TG: variants seen among roughly 807,000 people sequenced by gnomAD.
TG encodes thyroglobulin.
Under a neutral mutation model 324.7 loss-of-function variants are expected in TG, and 270 were observed. The ratio of observed to expected loss-of-function variants is 0.83; its 90% confidence interval spans 0.75 to 0.92. The LOEUF is 0.92. TG is among the 40% of genes least tolerant of loss of function. TG has a pLI of 0.00. For synonymous variants in TG, 1,401 were observed against 1,327.0 expected (o/e 1.06, Z -1.21); for missense variants, 3,591 against 3,456.4 (o/e 1.04, Z -0.98).
rs853304 is a variant in TG, at chr8:132,919,503, T to C, written c.4506T>C (p.Ala1502=). 0.6 allele frequency: 969,735 copies of C among 1,613,638 alleles called. 296,104 individuals carry two copies. Among genetic ancestry groups the C allele is most frequent in the Admixed American group, 0.66 (39,621 of 60,006 alleles). Reference sequence around the variant, plus strand: ...CTGTGGGCAGAACGACCATTTCTGCTGGAGCTTTCAGCCAGACTCACTGTA... The same window carrying C: ...CTGTGGGCAGAACGACCATTTCTGCCGGAGCTTTCAGCCAGACTCACTGTA... The part of the protein sequence containing the change: ...PCPVGRTTIS[A]GAFSQTHCVT... Residue 1502 remains alanine (A), a synonymous_variant, in exon 21 of 48, where the codon GCT becomes GCC. Transcript: ENST00000220616.
chr8:132,961,192 C>T, intron 28 of TG, 119 bp downstream of exon 28: 1 of 1,004,658 alleles, frequency 1.0e-6, no homozygotes, highest in Non-Finnish European at 1.6e-6. Context: ...GAGTCACTTT[C>T]CAAATGCATA....
chr8:133,024,525 C>A (rs868324702), intron 40 of TG, among the ~76,000 whole-genome samples: 15 of 151,960 alleles, frequency 9.9e-5, no homozygotes, highest in African/African-American at 2.9e-4. Flanking sequence ...GCCCCACATG[C>A]ATTAGGTATT....
At chr8:132,943,223 G>A (rs1253952750) in intron 26 of TG, among the ~76,000 whole-genome samples, 1 of 152,046 alleles carries the variant, frequency 6.6e-6, no homozygotes, top group Admixed American at 6.5e-5. Context: ...TGGGTAACAG[G>A]GGTGAATGGC....
chr8:133,112,345 A>C (rs1850323681), intron 43 of TG, among the ~76,000 whole-genome samples: 1 of 152,256 alleles, frequency 6.6e-6, no homozygotes, highest in African/African-American at 2.4e-5. Flanking sequence ...AACACATAGC[A>C]CAGGACTGTG....
chr8:132,893,221 T>G (rs1004875768), intron 10 of TG, among the ~76,000 whole-genome samples: 1 of 138,514 alleles, frequency 7.2e-6, no homozygotes, highest in African/African-American at 2.7e-5. Flanking sequence ...GTGTGTGGTG[T>G]GTATATGTGG....
chr8:133,036,778 T>C (rs1837189998), intron 41 of TG: 1 of 152,656 alleles, frequency 6.6e-6, no homozygotes, highest in South Asian at 2.1e-4. Flanking sequence ...AATAAATACA[T>C]GATTTAGCAA....
chr8:132,881,808 A>G (rs1814679218), intron 5 of TG, 55 bp from the exon 6 acceptor site: 1 of 1,240,288 alleles, frequency 8.1e-7, no homozygotes, highest in South Asian at 1.2e-5. Context: ...CTACAGGAAA[A>G]GCTTGTGATG....
chr8:132,882,403 CACA>C lies in TG; in HGVS notation c.746-61_746-59del, dbSNP rs1393576646. On this transcript the variant is annotated intron_variant, in intron 6 of 47. Transcript: ENST00000220616. ...GGCTGTCTCTCTCAGTATCTGTTTG[CACA>C]ACAAGGTCAGGGCTTCCTTTCTGAA... 4.4e-6 allele frequency: 7 copies of C among 1,584,716 alleles called. No individual in the cohort carries two copies. In the East Asian group the frequency reaches 8.9e-5, roughly 20 times the overall value.
intron 10 of TG, 55 bp downstream of exon 10, chr8:132,888,623 A>ATG: frequency 1.6e-5 from 12 of 769,826 alleles, no homozygotes; most frequent in East Asian, 4.5e-5. Flanking sequence ...GTGTGTGTGT[A>ATG]TGTGTGTTTA....
At chr8:132,904,351 G>T (rs1818368557) in intron 16 of TG, among the ~76,000 whole-genome samples, 1 of 152,224 alleles carries the variant, frequency 6.6e-6, no homozygotes, top group African/African-American at 2.4e-5. Flanking sequence ...GCTCCCTTGA[G>T]CCTCTGTTTT....
At chr8:132,879,736 A>G (rs1814381978) in intron 5 of TG, among the ~76,000 whole-genome samples, 1 of 152,176 alleles carries the variant, frequency 6.6e-6, no homozygotes, top group African/African-American at 2.4e-5. Context: ...GTGATCTCCA[A>G]TGTGCGGGAA....
intron 37 of TG, among the ~76,000 whole-genome samples, chr8:133,014,082 C>T (rs1447575756): frequency 6.6e-6 from 1 of 152,224 alleles, no homozygotes; most frequent in Non-Finnish European, 1.5e-5. Context: ...TTGGTCCTCA[C>T]ATTAATCCTG....
chr8:133,085,812 A>G (rs1170093828), intron 41 of TG, among the ~76,000 whole-genome samples: 2 of 152,206 alleles, frequency 1.3e-5, no homozygotes, highest in African/African-American at 4.8e-5. Flanking sequence ...CAGTTTGGCA[A>G]CTTCTCAGAA....
At chr8:133,012,323 A>G (rs952320562) in intron 36 of TG, among the ~76,000 whole-genome samples, 8 of 152,170 alleles carry the variant, frequency 5.3e-5, no homozygotes, top group African/African-American at 1.2e-4. Flanking sequence ...AAAGATGCAC[A>G]TGCGTGGCAG....
At position 133,134,782 on chromosome 8, in the gene TG, C is replaced by G; in HGVS notation, c.8295C>G (p.Thr2765=). 4 of 1,614,070 alleles carry G rather than the reference C, an allele frequency of 2.5e-6. No individual in the cohort carries two copies. Among genetic ancestry groups the G allele is most frequent in the Non-Finnish European group, 3.4e-6 (4 of 1,179,950 alleles). ...GCCTCCAGGAACCAGGCTCTAAGACCTACAGCAAGTGACCAGCCCTTGAGC... is the reference window on the plus strand; with the variant it reads ...GCCTCCAGGAACCAGGCTCTAAGACGTACAGCAAGTGACCAGCCCTTGAGC... ...LLSLQEPGSK[T]YSK Residue 2765 remains threonine, a synonymous_variant, in exon 48 of 48, where the codon ACC becomes ACG. Transcript: ENST00000220616.
intron 16 of TG, among the ~76,000 whole-genome samples, chr8:132,902,213 C>G (rs894190463): frequency 6.6e-6 from 1 of 152,110 alleles, no homozygotes; most frequent in Non-Finnish European, 1.5e-5. Flanking sequence ...GGTGGTGGGT[C>G]TGGCAGAGTT....
At chr8:132,974,672 C>A (rs1267471547) in intron 34 of TG, among the ~76,000 whole-genome samples, 1 of 152,168 alleles carries the variant, frequency 6.6e-6, no homozygotes, top group Non-Finnish European at 1.5e-5. Context: ...TCCCCCAACT[C>A]AATTGATTAA....
intron 43 of TG, among the ~76,000 whole-genome samples, chr8:133,105,723 C>A (rs776977330): frequency 1.3e-5 from 2 of 152,076 alleles, no homozygotes; most frequent in South Asian, 2.1e-4. Flanking sequence ...CACAAGCATT[C>A]GTGGACAGAA....
intron 47 of TG, among the ~76,000 whole-genome samples, chr8:133,134,364 A>T (rs1588158230): frequency 6.6e-6 from 1 of 152,300 alleles, no homozygotes; most frequent in East Asian, 1.9e-4. Flanking sequence ...TTTCAGATAC[A>T]GAGAAATGGG....
Sources: allele counts gnomAD v4.1 joint callset (sites outside exome capture counted in the v4.1 genomes callset), GRCh38; gene constraint gnomAD v4.1.1; transcripts MANE v1.5; gene names NCBI Gene and HGNC (gene_info 2026-07-23, HGNC 2026-07-21).